The following NTM variants were observed in gnomAD, a reference collection of about 807,000 sequenced individuals.
NTM encodes the protein neurotrimin.
Under a neutral mutation model 42.1 loss-of-function variants are expected in NTM, and 13 were observed. The observed-to-expected ratio is 0.31, with a 90% CI of 0.20 to 0.49. The LOEUF (loss-of-function observed/expected upper bound fraction) is 0.49, where lower values mean the gene tolerates loss of function less well. Among genes scored for constraint, NTM ranks in the 20% least tolerant of loss-of-function variants. The probability of loss-of-function intolerance (pLI) is 0.99; values close to 1 mark genes in which losing one functional copy is unlikely to be tolerated. For synonymous variants in NTM, 187 were observed against 179.2 expected, an observed-to-expected ratio of 1.04 and a Z score of -0.35; for missense variants, 373 against 452.8, an observed-to-expected ratio of 0.82 and a Z score of 1.60.
chr11:131,718,865 C>T (rs530033291), intron 1 of NTM, among the ~76,000 whole-genome samples: 2 of 152,272 alleles, frequency 1.3e-5, no homozygotes, highest in Non-Finnish European at 2.9e-5. Context: ...GAATGCTGTG[C>T]TCCTCTCGTT....
chr11:132,018,271 A>T (rs1432706024), intron 2 of NTM, among the ~76,000 whole-genome samples: 2 of 151,802 alleles, frequency 1.3e-5, no homozygotes, highest in African/African-American at 4.8e-5. Flanking sequence ...AGTGTTGAAA[A>T]GAAGTGTCAA....
intron 1 of NTM, among the ~76,000 whole-genome samples, chr11:131,397,658 A>G (rs1452237085): frequency 1.3e-5 from 2 of 152,126 alleles, no homozygotes; most frequent in African/African-American, 2.4e-5. Flanking sequence ...TGGACTAGCA[A>G]CCTCCTTTCC....
At chr11:131,389,024 A>AAAAAAAAGAAAAGAAAAGAAAAG (rs774146196) in intron 1 of NTM, among the ~76,000 whole-genome samples, 5 of 89,904 alleles carry the variant, frequency 5.6e-5, no homozygotes, top group African/African-American at 9.3e-5. Context: ...AAAAAAAAAA[A>AAAAAAAAGAAAAGAAAAGAAAAG]AAAAGAAAAG....
intron 1 of NTM, among the ~76,000 whole-genome samples, chr11:131,557,314 C>A (rs2055576028): frequency 6.6e-6 from 1 of 152,088 alleles, no homozygotes; most frequent in South Asian, 2.1e-4. Context: ...ATTCAGAAAG[C>A]AATGGCCTTC....
intron 1 of NTM, among the ~76,000 whole-genome samples, chr11:131,805,209 C>A (rs78175607): frequency 0.064 from 9,800 of 152,258 alleles, 1,080 homozygotes; most frequent in African/African-American, 0.22. Flanking sequence ...CAGGACCAGC[C>A]TCACCTTCCA....
chr11:131,875,871 T>G (rs974068882), intron 1 of NTM, among the ~76,000 whole-genome samples: 2 of 152,158 alleles, frequency 1.3e-5, no homozygotes, highest in Non-Finnish European at 2.9e-5. Context: ...TTCCAAGAAC[T>G]GTTTTTCAGT....
chr11:132,192,038 A>G (rs1022379099), intron 3 of NTM, among the ~76,000 whole-genome samples: 5 of 152,126 alleles, frequency 3.3e-5, no homozygotes, highest in African/African-American at 7.2e-5. Flanking sequence ...CAAACCTACA[A>G]CTCATTGGCA....
intron 8 of NTM, among the ~76,000 whole-genome samples, chr11:132,330,441 G>T (rs976873090): frequency 1.1e-4 from 16 of 152,244 alleles, no homozygotes; most frequent in African/African-American, 3.6e-4. Flanking sequence ...ACCTGTCAGT[G>T]CCCAGAATAG....
chr11:132,023,697 G>T (rs1054341786), intron 2 of NTM, among the ~76,000 whole-genome samples: 3 of 152,226 alleles, frequency 2.0e-5, no homozygotes, highest in African/African-American at 7.2e-5. Context: ...GGGAAGATAT[G>T]CTTTGTTGTT....
At chr11:131,620,425 C>T (rs1191137026) in intron 1 of NTM, among the ~76,000 whole-genome samples, 1 of 152,194 alleles carries the variant, frequency 6.6e-6, no homozygotes, top group East Asian at 1.9e-4. Flanking sequence ...CCACTTATAT[C>T]TCCCAGTGAC....
intron 4 of NTM, among the ~76,000 whole-genome samples, chr11:132,217,384 GTGTGTGTATGTGTA>G (rs1351924994): frequency 6.6e-6 from 1 of 151,046 alleles, no homozygotes; most frequent in Non-Finnish European, 1.5e-5. Context: ...GTGTGTGTGT[GTGTGTGTATGTGTA>G]TGTGTATGTG....
intron 1 of NTM, among the ~76,000 whole-genome samples, chr11:131,909,271 T>TG (rs1360928491): frequency 6.6e-6 from 1 of 152,158 alleles, no homozygotes; most frequent in African/African-American, 2.4e-5. Context: ...GAGGGAGATT[T>TG]GATTGGTGAA....
At chr11:131,624,539 C>G (rs139700736) in intron 1 of NTM, among the ~76,000 whole-genome samples, 99 of 152,292 alleles carry the variant, frequency 6.5e-4, no homozygotes, top group African/African-American at 2.3e-3. Context: ...GCTACAAGTT[C>G]TGAGCCATTG....
At chr11:131,509,993 C>T (rs562695256) in intron 1 of NTM, among the ~76,000 whole-genome samples, 2 of 152,202 alleles carry the variant, frequency 1.3e-5, no homozygotes, top group South Asian at 2.1e-4. Flanking sequence ...GAGGTGATCT[C>T]GGGGGTGGGC....
At chr11:131,994,182 G>A (rs540249910) in intron 2 of NTM, among the ~76,000 whole-genome samples, 1 of 152,284 alleles carries the variant, frequency 6.6e-6, no homozygotes, top group African/African-American at 2.4e-5. Flanking sequence ...TGACAAGTCA[G>A]TGATTACCTT....
chr11:132,335,784 T>G lies in NTM; in HGVS notation c.*638T>G, dbSNP rs1178919545. The G allele has an allele frequency of 6.6e-6, 1 of 152,480 alleles. No individual in the cohort carries two copies. The highest frequency in any genetic ancestry group is 2.4e-5 in the African/African-American group (1 of 41,382). 9.4% of individuals were successfully genotyped at this position (152,480 alleles called of 1,614,324 possible). ...GAACATCATGGATAACAAGGGATTC[T>G]GATTCATTATTAATTTCATTAATTA... is the stretch of plus-strand genomic sequence containing the variant. On this transcript the variant is annotated 3_prime_UTR_variant, in exon 9 of 9. Transcript: ENST00000683400.
chr11:132,320,021 T>G (rs980676062), intron 7 of NTM, among the ~76,000 whole-genome samples: 17 of 152,222 alleles, frequency 1.1e-4, no homozygotes, highest in African/African-American at 4.1e-4. Flanking sequence ...GGAGTGGACC[T>G]CTAGCAAACT....
At chr11:132,144,963 C>T (rs906323552) in intron 2 of NTM, among the ~76,000 whole-genome samples, 5 of 152,194 alleles carry the variant, frequency 3.3e-5, no homozygotes, top group Admixed American at 2.0e-4. Flanking sequence ...ATGCACAGTA[C>T]AGGATGTCTC....
At chr11:131,497,758 T>A (rs1955505713) in intron 1 of NTM, among the ~76,000 whole-genome samples, 1 of 152,164 alleles carries the variant, frequency 6.6e-6, no homozygotes, top group African/African-American at 2.4e-5. Context: ...GTTCTTCATT[T>A]TAAAGCTTGA....
Sources: allele counts gnomAD v4.1 joint callset (sites outside exome capture counted in the v4.1 genomes callset), GRCh38; gene constraint gnomAD v4.1.1; transcripts MANE v1.5; gene names NCBI Gene and HGNC (gene_info 2026-07-23, HGNC 2026-07-21).